CADPS: variants seen among roughly 807,000 people sequenced by gnomAD.
The protein encoded by CADPS is calcium dependent secretion activator.
Under a neutral mutation model 167.3 loss-of-function variants are expected in CADPS, and 57 were observed. The observed-to-expected ratio is 0.34, with a 90% CI of 0.28 to 0.42. The LOEUF (loss-of-function observed/expected upper bound fraction) is 0.42. CADPS is among the 20% of genes least tolerant of loss of function. CADPS has a pLI of 1.00. For synonymous variants in CADPS, 676 were observed against 635.3 expected (o/e 1.06, Z -0.96); for missense variants, 1,414 against 1,738.1 (o/e 0.81, Z 3.32).
intron 3 of CADPS, among the ~76,000 whole-genome samples, chr3:62,666,232 C>T (rs1287044945): frequency 6.6e-6 from 1 of 152,162 alleles, no homozygotes; most frequent in Non-Finnish European, 1.5e-5. Context: ...GCGGCCACTG[C>T]TGCCTGACAG....
At chr3:62,452,512 T>C (rs972299078) in intron 26 of CADPS, among the ~76,000 whole-genome samples, 40 of 152,178 alleles carry the variant, frequency 2.6e-4, no homozygotes, top group Non-Finnish European at 1.9e-4. Flanking sequence ...GGGACATTCA[T>C]AAATATAGGT....
intron 1 of CADPS, among the ~76,000 whole-genome samples, chr3:62,840,170 T>G (rs1387452590): frequency 6.6e-6 from 1 of 152,230 alleles, no homozygotes; most frequent in Non-Finnish European, 1.5e-5. Context: ...TCGCAAGTTC[T>G]TATTTAACCT....
intron 4 of CADPS, among the ~76,000 whole-genome samples, chr3:62,661,875 A>C (rs56882501): frequency 0.032 from 4,882 of 152,248 alleles, 248 homozygotes; most frequent in African/African-American, 0.11. Context: ...CATTGCAGGG[A>C]GAAAGGAGAA....
rs528003561 is a variant in CADPS at position 62,475,092 on chromosome 3, C to G, written c.3330-772G>C. Among the ~76,000 whole-genome samples, 16 of 152,192 alleles carry G rather than the reference C, an allele frequency of 1.1e-4. No individual in the cohort carries two copies. The East Asian group carries it at 2.9e-3, about 28-fold the overall frequency. ...TATATGTACGCTTAATATACATATA[C>G]AAATTCAAGAATTGTGTGATGGTGG... On this transcript the variant is annotated intron_variant, in intron 23 of 29. Transcript: ENST00000383710.
intron 6 of CADPS, among the ~76,000 whole-genome samples, chr3:62,611,493 T>C (rs1182542791): frequency 6.6e-6 from 1 of 152,200 alleles, no homozygotes. Flanking sequence ...TCCTTTAAAA[T>C]GTAAGTCAGC....
chr3:62,781,446 C>A (rs1372074916), intron 1 of CADPS, among the ~76,000 whole-genome samples: 4 of 152,022 alleles, frequency 2.6e-5, no homozygotes, highest in African/African-American at 9.7e-5. Context: ...GGTGTGAAGC[C>A]CAGAGAAGAG....
intron 3 of CADPS, among the ~76,000 whole-genome samples, chr3:62,701,967 C>A (rs181712221): frequency 2.1e-4 from 32 of 152,248 alleles, no homozygotes; most frequent in Non-Finnish European, 4.3e-4. Context: ...CCACAGGTAG[C>A]TACTCTATGT....
intron 7 of CADPS, among the ~76,000 whole-genome samples, chr3:62,592,221 G>A (rs1301417842): frequency 6.6e-6 from 1 of 152,110 alleles, no homozygotes; most frequent in Non-Finnish European, 1.5e-5. Context: ...ACATTTTGAA[G>A]TTTTTTATTA....
At chr3:62,453,313 T>A (rs2058302019) in intron 26 of CADPS, among the ~76,000 whole-genome samples, 1 of 152,182 alleles carries the variant, frequency 6.6e-6, no homozygotes, top group Admixed American at 6.5e-5. Flanking sequence ...TTTAGCCATG[T>A]GCCGATATGA....
intron 1 of CADPS, among the ~76,000 whole-genome samples, chr3:62,813,467 G>C (rs1288134040): frequency 6.6e-6 from 1 of 151,982 alleles, no homozygotes; most frequent in Non-Finnish European, 1.5e-5. Flanking sequence ...ATAAACTCGA[G>C]ATGTATTAAA....
intron 3 of CADPS, among the ~76,000 whole-genome samples, chr3:62,718,292 G>A (rs548852102): frequency 5.9e-5 from 9 of 152,214 alleles, no homozygotes; most frequent in Admixed American, 5.9e-4. Context: ...ATGAATGAAT[G>A]AATGAATACA....
At chr3:62,565,139 G>C (rs781280808) in intron 9 of CADPS, among the ~76,000 whole-genome samples, 10 of 152,042 alleles carry the variant, frequency 6.6e-5, no homozygotes, top group Non-Finnish European at 1.3e-4. Context: ...CAATGTGTTT[G>C]GTTCTCACCA....
At chr3:62,768,277 A>G (rs75020351) in intron 1 of CADPS, among the ~76,000 whole-genome samples, 24 of 152,174 alleles carry the variant, frequency 1.6e-4, no homozygotes, top group Non-Finnish European at 2.5e-4. Flanking sequence ...TCCTAACAGT[A>G]TAGGACCAAC....
intron 6 of CADPS, among the ~76,000 whole-genome samples, chr3:62,635,696 T>C (rs961614142): frequency 5.3e-5 from 8 of 151,954 alleles, no homozygotes; most frequent in Non-Finnish European, 1.2e-4. Flanking sequence ...CCATCTTCTG[T>C]TCTTTTAGGT....
At position 62,514,069 on chromosome 3, in the gene CADPS, T is replaced by C. The variant is rs1351371881; in HGVS notation, c.2582-1301A>G. ...CTAAGGCTCTTGAGGTATTTCTTCA[T>C]AAACATAGTCTCCAGCAATATTACT... is the stretch of plus-strand genomic sequence containing the variant. On this transcript the variant is annotated intron_variant, in intron 16 of 29. Transcript: ENST00000383710. The surrounding 1 kb of genome is among the most constrained non-coding windows in gnomAD (Gnocchi z 4.2). Among the ~76,000 whole-genome samples the C allele has an allele frequency of 2.6e-5, 4 of 152,090 alleles. No homozygotes were observed. The highest frequency in any genetic ancestry group is 7.2e-5 in the African/African-American group (3 of 41,438).
At chr3:62,431,688 C>T (rs913980128) in intron 28 of CADPS, among the ~76,000 whole-genome samples, 5 of 151,918 alleles carry the variant, frequency 3.3e-5, no homozygotes, top group Admixed American at 6.6e-5. Flanking sequence ...GCATCACAAC[C>T]TTGCCCTGCA....
chr3:62,765,907 G>C lies in CADPS; in HGVS notation c.519C>G (p.Asp173Glu), dbSNP rs202064143. Reference protein sequence around the residue: ...FLNGETQIMADEAFMNAVQSY... With the variant: ...FLNGETQIMAEEAFMNAVQSY... The stretch of plus-strand genomic sequence containing the variant: ...TCTGCACAGCGTTCATGAAGGCTTC[G>C]TCAGCCATGATCTGGGTTTCCCCAT... Residue 173 changes from aspartate (D) to glutamate (E), a missense_variant, in exon 2 of 30, where the codon GAC becomes GAG. Physicochemically the swap from Asp to Glu is conservative, Grantham distance 45. Transcript: ENST00000383710. The C allele has an allele frequency of 6.2e-7, 1 of 1,612,894 alleles. No individual in the cohort carries two copies. Among genetic ancestry groups the C allele is most frequent in the Non-Finnish European group, 8.5e-7 (1 of 1,179,052 alleles).
At chr3:62,754,571 C>T (rs2083437697) in intron 2 of CADPS, among the ~76,000 whole-genome samples, 1 of 152,164 alleles carries the variant, frequency 6.6e-6, no homozygotes, top group African/African-American at 2.4e-5. Context: ...GCACTGCAGC[C>T]TCAAACTCCT....
chr3:62,727,931 G>A (rs2077044324), intron 3 of CADPS, among the ~76,000 whole-genome samples: 2 of 151,858 alleles, frequency 1.3e-5, no homozygotes, highest in South Asian at 4.1e-4. Flanking sequence ...TTTAAGAAAT[G>A]ACACAAACTC....
Sources: gnomAD v4.1 joint callset for allele counts (sites outside exome capture counted in the v4.1 genomes callset) on GRCh38, gnomAD v4.1.1 for gene constraint, Gnocchi (gnomAD v3.1) non-coding constraint, MANE v1.5 for transcripts, NCBI Gene and HGNC (gene_info 2026-07-23, HGNC 2026-07-21) for gene names.